Variants in EIF4ENIF1 observed in about 807,000 individuals in gnomAD.
EIF4ENIF1 encodes eukaryotic translation initiation factor 4E nuclear import factor 1, also known as eukaryotic translation initiation factor 4E transporter.
EIF4ENIF1 carries 23 observed loss-of-function variants against 110.5 expected under a neutral mutation model. The ratio of observed to expected loss-of-function variants is 0.21; its 90% CI spans 0.15 to 0.29. The LOEUF is 0.29. Ranked by LOEUF, EIF4ENIF1 falls within the 10% of genes least tolerant of loss-of-function variation. EIF4ENIF1 has a pLI of 1.00. For synonymous variants in EIF4ENIF1, 440 were observed against 437.0 expected (o/e 1.01, Z -0.09); for missense variants, 1,031 against 1,221.1 (o/e 0.84, Z 2.32).
At chr22:31,442,491 A>G (rs1035876367) in intron 16 of EIF4ENIF1, among the ~76,000 whole-genome samples, 2 of 152,124 alleles carry the variant, frequency 1.3e-5, no homozygotes, top group African/African-American at 4.8e-5. Flanking sequence ...CTGTACTTTT[A>G]ACACCTCTGT....
rs367580070 is a variant in EIF4ENIF1, at chr22:31,441,884, A to G, written c.2441T>C (p.Val814Ala). 9 of 1,614,118 alleles carry G rather than the reference A, an allele frequency of 5.6e-6. No individual in the cohort carries two copies. The East Asian group carries it at 1.3e-4, about 24-fold the overall frequency. The change falls in exon 17 of 19, where the codon GTC (valine) becomes GCC (alanine). Residue 814 changes from valine to alanine, a missense_variant. By Grantham distance (64) the Val-to-Ala change is moderately conservative (BLOSUM62 0). Around this residue, in one of 3 missense-constraint regions of EIF4ENIF1, gnomAD observed 309 missense variants for 299.1 expected, o/e 1.03. Coordinates refer to ENST00000330125, the MANE Select transcript of EIF4ENIF1 (RefSeq NM_019843.4). ...FLRPVHQVPL[V>A]PHVPMVRPAH... ...AGGCCTAACCATAGGGACATGGGGG[A>G]CAAGGGGAACTTGGTGGACAGGGCG...
chr22:31,486,919 A>AC (rs2052051209), intron 2 of EIF4ENIF1, among the ~76,000 whole-genome samples: 1 of 47,292 alleles, frequency 2.1e-5, no homozygotes, highest in Admixed American at 1.8e-4. Context: ...CGTCTCTACT[A>AC]TAAAAAAAAA....
Position 31,479,104 on chromosome 22 carries a change from A to G in EIF4ENIF1, c.97-7187T>C, listed in dbSNP as rs1351115673. ...AAGAAATTTTTTTTTTTTTTTGGAG[A>G]TGGAATCTCACTCTGTCACCAAGGC... On this transcript the variant is annotated intron_variant, in intron 2 of 18. Transcript: ENST00000330125. Among the ~76,000 whole-genome samples, 5 of 141,868 alleles carry G rather than the reference A, an allele frequency of 3.5e-5. No individual in the cohort carries two copies. In the Admixed American group the frequency reaches 3.6e-4, roughly 10 times the overall value. 93.1% of individuals were successfully genotyped at this position (141,868 alleles called of 152,430 possible). A position where few individuals can be genotyped will look rare whatever the true frequency, so the allele number is the denominator to read the frequency against.
In EIF4ENIF1 at chr22:31,442,115, T is replaced by G. The variant is rs1021761946; in HGVS notation, c.2210A>C (p.Asn737Thr). 21 of 1,598,254 alleles carry G rather than the reference T, an allele frequency of 1.3e-5. No individual in the cohort carries two copies. The African/African-American group carries it at 2.8e-4, about 22-fold the overall frequency. ...GGGTACAGAGCTGGATGACAGGAGG[T>G]TTTCTGTGAGGAACCAAACAAAAAA... Reference protein sequence around the residue: ...KEDTQKASEENLLSSSSVPSA... With the variant: ...KEDTQKASEETLLSSSSVPSA... Residue 737 changes from asparagine (N) to threonine (T), a missense_variant, in exon 17 of 19, where the codon AAC (asparagine) becomes ACC (threonine). Asn to Thr is a moderately conservative substitution (Grantham distance 65). Coordinates refer to ENST00000330125, the MANE Select transcript of EIF4ENIF1 (RefSeq NM_019843.4).
intron 2 of EIF4ENIF1, among the ~76,000 whole-genome samples, chr22:31,486,022 G>A (rs2052007455): frequency 6.6e-6 from 1 of 152,004 alleles, no homozygotes. Context: ...CGAGGCGGGT[G>A]GATCACCTGA....
intron 5 of EIF4ENIF1, 120 bp downstream of exon 5, chr22:31,463,561 A>C (rs1218076378): frequency 2.0e-6 from 2 of 1,015,782 alleles, no homozygotes; most frequent in Non-Finnish European, 2.8e-6. Context: ...GCGTGCCTAT[A>C]ATCCCAGATA....
chr22:31,479,694 T>G (rs1300585394), intron 2 of EIF4ENIF1, among the ~76,000 whole-genome samples: 4 of 151,564 alleles, frequency 2.6e-5, no homozygotes, highest in East Asian at 1.9e-4. Context: ...GGTGTTTTTT[T>G]TTTTTTTTTT....
intron 5 of EIF4ENIF1, among the ~76,000 whole-genome samples, 156 bp downstream of exon 5, chr22:31,463,525 A>C (rs56385611): frequency 3.3e-5 from 5 of 151,950 alleles, no homozygotes; most frequent in African/African-American, 9.7e-5. Context: ...TACTAAAAAT[A>C]TAAAAAGTTA....
chr22:31,467,135 C>A (rs2051216547), intron 4 of EIF4ENIF1, among the ~76,000 whole-genome samples: 1 of 152,204 alleles, frequency 6.6e-6, no homozygotes, highest in South Asian at 2.1e-4. Flanking sequence ...CGACCCATTT[C>A]TACTGTTGGA....
Position 31,444,690 on chromosome 22 carries a change from C to T in EIF4ENIF1, c.1989G>A (p.Arg663=), listed in dbSNP as rs758302042. ...VDRTRDGFRN[R]QQRVTKSPAP... ...CTGGTGACTTGGTCACTCGCTGTTGCCTGTGAACAAACCAATTATCAGCAT... is the reference window on the plus strand; with the variant it reads ...CTGGTGACTTGGTCACTCGCTGTTGTCTGTGAACAAACCAATTATCAGCAT... Residue 663 remains arginine, a splice_region_variant and synonymous_variant, in exon 15 of 19, where the codon AGG becomes AGA. Coordinates refer to ENST00000330125, the MANE Select transcript of EIF4ENIF1 (RefSeq NM_019843.4). 1 of 1,613,928 alleles carries T rather than the reference C, an allele frequency of 6.2e-7. No homozygotes were observed. The highest frequency in any genetic ancestry group is 8.5e-7 in the Non-Finnish European group (1 of 1,179,880).
At chr22:31,438,673 T>G (rs1391719150), downstream of EIF4ENIF1, among the ~76,000 whole-genome samples, 1 of 151,920 alleles carries the variant, frequency 6.6e-6, no homozygotes, top group African/African-American at 2.4e-5. Context: ...TCTTTAAAGC[T>G]CAAGGAAAAA....
upstream of EIF4ENIF1, among the ~76,000 whole-genome samples, chr22:31,491,020 A>G (rs1244172339): frequency 6.6e-6 from 1 of 152,182 alleles, no homozygotes; most frequent in Admixed American, 6.5e-5. Context: ...TGTTTCTTAC[A>G]AACTGTTTTT....
intron 2 of EIF4ENIF1, among the ~76,000 whole-genome samples, chr22:31,477,393 AGAATTT>A (rs1220544805): frequency 2.2e-5 from 3 of 136,660 alleles, no homozygotes; most frequent in Non-Finnish European, 4.8e-5. Context: ...ACAAAAAAAG[AGAATTT>A]GAAATTGAGA....
intron 2 of EIF4ENIF1, among the ~76,000 whole-genome samples, chr22:31,474,769 G>C (rs1051762532): frequency 6.6e-6 from 1 of 151,956 alleles, no homozygotes; most frequent in Non-Finnish European, 1.5e-5. Flanking sequence ...CCTCCTTTTG[G>C]TATACTTTGA....
chr22:31,456,498 CA>C (rs2050833724), intron 7 of EIF4ENIF1, among the ~76,000 whole-genome samples: 3 of 151,850 alleles, frequency 2.0e-5, no homozygotes, highest in Admixed American at 6.6e-5. Flanking sequence ...GCTGGGATTA[CA>C]AGCATGAGCC....
At chr22:31,441,038 C>T (rs948671102) in intron 17 of EIF4ENIF1, among the ~76,000 whole-genome samples, 170 bp from the exon 18 acceptor site, 2 of 152,298 alleles carry the variant, frequency 1.3e-5, no homozygotes, top group East Asian at 3.9e-4. Context: ...AGGCGGACCA[C>T]GAGGTCAGGA....
At chr22:31,461,471 ACT>A (rs2050991996) in intron 6 of EIF4ENIF1, among the ~76,000 whole-genome samples, 1 of 151,824 alleles carries the variant, frequency 6.6e-6, no homozygotes, top group African/African-American at 2.4e-5. Context: ...CAGAGTCTCA[ACT>A]CTGTCTCCCA....
rs1447506227 is a variant in EIF4ENIF1 at position 31,442,055 on chromosome 22, G to T, written c.2270C>A (p.Ser757Tyr). The change falls in exon 17 of 19, where the codon TCC (serine) becomes TAC (tyrosine). Residue 757 changes from serine to tyrosine, a missense_variant. Coordinates refer to ENST00000330125, the MANE Select transcript of EIF4ENIF1 (RefSeq NM_019843.4). ...AGACCTCTGTAATGCTGACAGTTTG[G>T]AATTTGTAGTGGGAGAAGAGTCTCG... ...ADRDSSPTTN[S>Y]KLSALQRSSC... 6.2e-7 allele frequency: 1 copy of T among 1,614,186 alleles called. No individual in the cohort carries two copies. The highest frequency in any genetic ancestry group is 1.1e-5 in the South Asian group (1 of 91,080).
At chr22:31,451,161 G>C (rs1204449145) in intron 10 of EIF4ENIF1, 2 of 152,084 alleles carry the variant, frequency 1.3e-5, no homozygotes, top group Non-Finnish European at 2.9e-5. Flanking sequence ...CTAAATTATA[G>C]ACGTGACCCA....
Sources: allele counts gnomAD v4.1 joint callset (sites outside exome capture counted in the v4.1 genomes callset), GRCh38; gene constraint gnomAD v4.1.1; regional missense constraint gnomAD v4.1.1; transcripts MANE v1.5; gene names NCBI Gene and HGNC (gene_info 2026-07-23, HGNC 2026-07-21).